Variants in EMC2 observed in about 807,000 individuals in gnomAD.
EMC2 encodes the protein ER membrane protein complex subunit 2, also known as TPR repeat protein 35.
Under a neutral mutation model 51.6 loss-of-function variants are expected in EMC2, and 37 were observed. The ratio of observed to expected loss-of-function variants is 0.72; its 90% CI spans 0.55 to 0.94. The LOEUF is 0.94. EMC2 is among the 40% of genes least tolerant of loss of function. The pLI is 0.00. For synonymous variants in EMC2, 131 were observed against 112.4 expected (o/e 1.17, Z -1.04); for missense variants, 359 against 350.9 (o/e 1.02, Z -0.18).
chr8:108,461,500 T>A (rs1181295715), intron 5 of EMC2, among the ~76,000 whole-genome samples: 1 of 152,178 alleles, frequency 6.6e-6, no homozygotes, highest in Non-Finnish European at 1.5e-5. Flanking sequence ...TGGAAGGCCT[T>A]AAAGGATGAG....
chr8:108,444,024 C>T (rs913107582), intron 1 of EMC2, among the ~76,000 whole-genome samples: 2 of 152,116 alleles, frequency 1.3e-5, no homozygotes, highest in Non-Finnish European at 2.9e-5. Context: ...CTGGGCGGTG[C>T]GGAAGAGGCG....
intron 10 of EMC2, 48 bp downstream of exon 10, chr8:108,479,158 C>A: frequency 8.7e-7 from 1 of 1,143,262 alleles, no homozygotes; most frequent in Non-Finnish European, 1.2e-6. Context: ...TAATGTATTT[C>A]TTAGTTTTGT....
chr8:108,471,124 T>C lies in EMC2; in HGVS notation c.509+1003T>C, dbSNP rs1586188884. ...TCTCTGCTATACTCTGAAACAGATA[T>C]TCTGGTTTTGATTAGGAAATTATTT... On this transcript the variant is annotated intron_variant, in intron 7 of 10. Coordinates refer to ENST00000220853, the MANE Select transcript of EMC2 (RefSeq NM_014673.5). Among the ~76,000 whole-genome samples the C allele has an allele frequency of 3.3e-5, 5 of 152,034 alleles. No homozygotes were observed. The East Asian group carries it at 9.6e-4, about 29-fold the overall frequency.
rs985601281 is a variant in EMC2 at position 108,478,922 on chromosome 8, C to G, written c.703-84C>G. The G allele has an allele frequency of 6.0e-6, 3 of 503,286 alleles. No individual in the cohort carries two copies. The East Asian group carries it at 1.0e-4, about 17-fold the overall frequency. The allele number at this position is 503,286 out of a possible 1,614,324, so 31.2% of individuals were successfully genotyped here. A position where few individuals can be genotyped will look rare whatever the true frequency, so the allele number is the denominator to read the frequency against. ...AGTTTTTAAAAATTCTTTATTATCCCATTGCAACCATGTCCCTTATGTTTT... is the reference window on the plus strand; with the variant it reads ...AGTTTTTAAAAATTCTTTATTATCCGATTGCAACCATGTCCCTTATGTTTT... On this transcript the variant is annotated intron_variant, in intron 9 of 10. Transcript: ENST00000220853.
At chr8:108,485,532 AATATAT>A (rs1049348326) in intron 10 of EMC2, among the ~76,000 whole-genome samples, 1 of 101,812 alleles carries the variant, frequency 9.8e-6, no homozygotes, top group African/African-American at 4.5e-5. Context: ...ACATATATAT[AATATAT>A]ATATGTATAT....
At chr8:108,482,738 C>T (rs7000732) in intron 10 of EMC2, among the ~76,000 whole-genome samples, 25,308 of 151,874 alleles carry the variant, frequency 0.17, 3,766 homozygotes, top group African/African-American at 0.4. Context: ...CGCATGTCAC[C>T]GTGCTCGGCT....
In EMC2 at chr8:108,443,696, A is replaced by G; in HGVS notation, c.38A>G (p.Glu13Gly). Residue 13 changes from glutamate (E) to glycine (G), a missense_variant and splice_region_variant, in exon 1 of 11, where the codon GAA (glutamate) becomes GGA (glycine). Glu to Gly is a moderately conservative substitution (Grantham distance 98, BLOSUM62 -2). Transcript: ENST00000220853. ...KVSELYDVTW[E>G]EMRDKMRKWR... Reference sequence around the variant, plus strand: ...TCAGAGCTTTACGATGTCACTTGGGAAGGTAACTTCGGGTGGGGGCGGGTG... The same window carrying G: ...TCAGAGCTTTACGATGTCACTTGGGGAGGTAACTTCGGGTGGGGGCGGGTG... 1 of 1,609,622 alleles carries G rather than the reference A, an allele frequency of 6.2e-7. No homozygotes were observed. Among genetic ancestry groups the G allele is most frequent in the Non-Finnish European group, 8.5e-7 (1 of 1,177,814 alleles).
chr8:108,469,834 A>G lies in EMC2; in HGVS notation c.372A>G (p.Arg124=). The change falls in exon 6 of 11, where the codon AGA becomes AGG. Residue 124 remains arginine, a synonymous_variant. Coordinates refer to ENST00000220853, the MANE Select transcript of EMC2 (RefSeq NM_014673.5). The stretch of plus-strand genomic sequence containing the variant: ...TTAATGTCAACCCACAGGCTGCAAG[A>G]AAGCGTAAGATTGCCATTCGAAAAG... ...LQEDPTNTAA[R]KRKIAIRKAQ... 1.9e-6 allele frequency: 3 copies of G among 1,613,316 alleles called. No individual in the cohort carries two copies. The highest frequency in any genetic ancestry group is 2.5e-6 in the Non-Finnish European group (3 of 1,179,368).
At position 108,460,027 on chromosome 8, in the gene EMC2, T is replaced by A. The variant is rs565109480; in HGVS notation, c.363+4097T>A. 1.2e-4 allele frequency among the ~76,000 whole-genome samples: 19 copies of A among 152,320 alleles called. No homozygotes were observed. The South Asian group carries it at 3.5e-3, about 28-fold the overall frequency. On this transcript the variant is annotated intron_variant, in intron 5 of 10. Coordinates refer to ENST00000220853, the MANE Select transcript of EMC2 (RefSeq NM_014673.5). The stretch of plus-strand genomic sequence containing the variant: ...CACCCATTTTTTTCTGAAGATTTTC[T>A]CCTGTACTTATTTCTTATTCTTAAT...
rs536838549 is a variant in EMC2, at chr8:108,469,886, C to T, written c.424C>T (p.Arg142Trp). 5.7e-5 allele frequency: 92 copies of T among 1,612,950 alleles called. 1 individual carries two copies. In the South Asian group the frequency reaches 8.5e-4, roughly 15 times the overall value. ...KAQGKNVEAI[R>W]ELNEYLEQFV... ...CCAGGGGAAAAATGTGGAGGCCATT[C>T]GGGAGCTGAATGAGTATCTGGAACA... is the stretch of plus-strand genomic sequence containing the variant. The change falls in exon 6 of 11, where the codon CGG becomes TGG. Residue 142 changes from arginine (R) to tryptophan (W), a missense_variant. Coordinates refer to ENST00000220853, the MANE Select transcript of EMC2 (RefSeq NM_014673.5).
intron 1 of EMC2, among the ~76,000 whole-genome samples, chr8:108,448,773 T>C (rs1818941140): frequency 6.6e-6 from 1 of 152,194 alleles, no homozygotes; most frequent in South Asian, 2.1e-4. Context: ...CCAGTTTATC[T>C]TCTGGGGCTT....
In EMC2 at chr8:108,470,087, C is replaced by T; in HGVS notation, c.475C>T (p.His159Tyr). The change falls in exon 7 of 11, where the codon CAT (histidine) becomes TAT (tyrosine). Residue 159 changes from histidine to tyrosine, a missense_variant. Coordinates refer to ENST00000220853, the MANE Select transcript of EMC2 (RefSeq NM_014673.5). ...EQFVGDQEAW[H>Y]ELAELYINEH... is the part of the protein sequence containing the mutation. ...ATTTGTTGGAGACCAAGAAGCCTGGCATGAACTTGCAGAACTTTACATCAA... is the reference window on the plus strand; with the variant it reads ...ATTTGTTGGAGACCAAGAAGCCTGGTATGAACTTGCAGAACTTTACATCAA... 1 of 1,612,972 alleles carries T rather than the reference C, an allele frequency of 6.2e-7. No individual in the cohort carries two copies. The highest frequency in any genetic ancestry group is 1.3e-5 in the African/African-American group (1 of 74,992).
intron 1 of EMC2, chr8:108,446,074 T>C (rs541195274): frequency 3.1e-4 from 47 of 153,824 alleles, no homozygotes; most frequent in South Asian, 8.0e-4. Flanking sequence ...TCTGAAGTTA[T>C]GTGGATTTTC....
At chr8:108,448,754 T>C (rs903887251) in intron 1 of EMC2, among the ~76,000 whole-genome samples, 1 of 152,222 alleles carries the variant, frequency 6.6e-6, no homozygotes, top group Non-Finnish European at 1.5e-5. Flanking sequence ...TTGAACTGTT[T>C]ACTCCTTTCC....
chr8:108,463,839 A>G (rs1047933734), intron 5 of EMC2, among the ~76,000 whole-genome samples: 3 of 152,098 alleles, frequency 2.0e-5, no homozygotes, highest in African/African-American at 7.2e-5. Flanking sequence ...TTATTGCTTA[A>G]AATACACATA....
chr8:108,481,551 G>A (rs1811044809), intron 10 of EMC2, among the ~76,000 whole-genome samples: 1 of 152,042 alleles, frequency 6.6e-6, no homozygotes, highest in Non-Finnish European at 1.5e-5. Flanking sequence ...GCTACTCAGA[G>A]TGCTTTTTTG....
Position 108,488,754 on chromosome 8 carries a change from T to C in EMC2, c.*2156T>C, listed in dbSNP as rs996567610. ...AGTGGTAGTTTAATTCTGTATAGTC[T>C]GATTAGTACGAGGCAGAACTTTTTG... On this transcript the variant is annotated 3_prime_UTR_variant, in exon 11 of 11. Transcript: ENST00000220853. Among the ~76,000 whole-genome samples, 1 of 152,180 alleles carries C rather than the reference T, an allele frequency of 6.6e-6. No individual in the cohort carries two copies. The highest frequency in any genetic ancestry group is 6.5e-5 in the Admixed American group (1 of 15,274).
intron 10 of EMC2, among the ~76,000 whole-genome samples, chr8:108,483,801 A>G (rs1811088422): frequency 6.6e-6 from 1 of 152,196 alleles, no homozygotes; most frequent in Non-Finnish European, 1.5e-5. Context: ...ACAAAAATAC[A>G]GTATTTGTGA....
At position 108,486,733 on chromosome 8, in the gene EMC2, G is replaced by A; in HGVS notation, c.*135G>A. 1 of 924,252 alleles carries A rather than the reference G, an allele frequency of 1.1e-6. No individual in the cohort carries two copies. The highest frequency in any genetic ancestry group is 1.5e-6 in the Non-Finnish European group (1 of 661,650). The allele number at this position is 924,252 out of a possible 1,614,324, so 57.3% of individuals were successfully genotyped here. ...TGTTAAGAAGGCAGTTGTAAAGAAT[G>A]TGTTTATATAAACCTAAAAATGCCT... is the stretch of plus-strand genomic sequence containing the variant. On this transcript the variant is annotated 3_prime_UTR_variant, in exon 11 of 11. Coordinates refer to ENST00000220853, the MANE Select transcript of EMC2 (RefSeq NM_014673.5).
Sources: allele counts gnomAD v4.1 joint callset (sites outside exome capture counted in the v4.1 genomes callset), GRCh38; gene constraint gnomAD v4.1.1; transcripts MANE v1.5; gene names NCBI Gene and HGNC (gene_info 2026-07-23, HGNC 2026-07-21).